The following ATG7 variants were observed in gnomAD, a reference collection of about 807,000 sequenced individuals.
ATG7 encodes autophagy related 7.
Under a neutral mutation model 82.4 loss-of-function variants are expected in ATG7, and 70 were observed. The ratio of observed to expected loss-of-function variants is 0.85; its 90% CI spans 0.70 to 1.04. The LOEUF is 1.04. Ranked by LOEUF, ATG7 falls within the 50% of genes least tolerant of loss-of-function variation. The pLI, the probability that ATG7 is intolerant of heterozygous loss-of-function variation, is 0.00. For missense variants in ATG7, 792 were observed against 864.3 expected, an observed-to-expected ratio of 0.92 and a Z score of 1.05; for synonymous variants, 287 against 313.0, an observed-to-expected ratio of 0.92 and a Z score of 0.88.
At chr3:11,573,288 AAAGAAAGAAAGAAAGAAAGG>A in the ATG7 span, among the ~76,000 whole-genome samples, 2 of 11,684 alleles carry the variant, frequency 1.7e-4, no homozygotes, top group African/African-American at 1.3e-3. Context: ...AGAAAGAAAG[AAAGAAAGAAAGAAAGAAAGG>A]AAGGAAGGAA....
chr3:11,389,218 G>GA (rs1430109372), intron 19 of ATG7, among the ~76,000 whole-genome samples: 1 of 110,266 alleles, frequency 9.1e-6, no homozygotes, highest in Non-Finnish European at 1.7e-5. Context: ...GGGGAACAGA[G>GA]AGAGACCCTG....
At chr3:11,319,611 A>G (rs1450683671) in intron 9 of ATG7, among the ~76,000 whole-genome samples, 3 of 152,184 alleles carry the variant, frequency 2.0e-5, no homozygotes, top group Admixed American at 2.0e-4. Flanking sequence ...CCCGGGCCAT[A>G]TTATCCAGCC....
At chr3:11,403,479 G>A (rs560277606) in intron 19 of ATG7, among the ~76,000 whole-genome samples, 1 of 152,228 alleles carries the variant, frequency 6.6e-6, no homozygotes, top group Admixed American at 6.5e-5. Context: ...GATTCCTTCT[G>A]TTTAGATAAT....
At chr3:11,486,548 A>G (rs9755534) in intron 20 of ATG7, among the ~76,000 whole-genome samples, 34,375 of 146,408 alleles carry the variant, frequency 0.23, 4,739 homozygotes, top group African/African-American at 0.33. Context: ...CTGCCTAATT[A>G]CCCTGGCCAG....
At chr3:11,558,583 G>C, downstream of ATG7, 1 of 1,603,738 alleles carries the variant, frequency 6.2e-7, no homozygotes, top group East Asian at 2.2e-5. Flanking sequence ...GGGAGTGACT[G>C]TGGCTGACCA....
intron 20 of ATG7, among the ~76,000 whole-genome samples, chr3:11,427,814 CAAAA>C (rs11288609): frequency 7.4e-6 from 1 of 135,222 alleles, no homozygotes; most frequent in African/African-American, 2.7e-5. Context: ...GACTCCGTCT[CAAAA>C]AAAAAAAAAA....
Position 11,426,925 on chromosome 3 carries a change from AG to A in ATG7, c.2079+1del. 2 of 1,592,990 alleles carry A rather than the reference AG, an allele frequency of 1.3e-6. No individual in the cohort carries two copies. Among genetic ancestry groups the A allele is most frequent in the Non-Finnish European group, 1.7e-6 (2 of 1,172,936 alleles). ...TLLHQETQAA[E>X]IWDMSDDETI The stretch of plus-strand genomic sequence containing the variant: ...CTGCATCAAGAAACCCAAGCTGCTG[AG>A]GTAAGAACAAAACAAGCTTTCTGTA... On this transcript the variant is annotated frameshift_variant and splice_region_variant, in exon 20 of 21. Coordinates refer to ENST00000693202, the MANE Select transcript of ATG7 (RefSeq NM_001349232.2). LOFTEE classifies it high-confidence loss of function.
At chr3:11,564,891 C>A in the ATG7 span, 1 of 1,607,928 alleles carries the variant, frequency 6.2e-7, no homozygotes, top group Non-Finnish European at 8.5e-7. Context: ...CTGCTCCAGG[C>A]CAAGGCTGGG....
intron 20 of ATG7, among the ~76,000 whole-genome samples, chr3:11,440,131 A>G (rs978600032): frequency 3.3e-5 from 5 of 152,064 alleles, no homozygotes; most frequent in South Asian, 2.1e-4. Context: ...CCTTACAACT[A>G]CTTCTCAGAT....
chr3:11,477,812 C>G (rs1270717595), intron 20 of ATG7, among the ~76,000 whole-genome samples: 1 of 152,192 alleles, frequency 6.6e-6, no homozygotes, highest in Non-Finnish European at 1.5e-5. Context: ...CTGTCCATGT[C>G]TCAGCTGAGC....
At chr3:11,345,973 G>A (rs1954479821) in intron 13 of ATG7, among the ~76,000 whole-genome samples, 1 of 152,144 alleles carries the variant, frequency 6.6e-6, no homozygotes, top group Admixed American at 6.5e-5. Context: ...TGTTTAATGT[G>A]TATTTTAACA....
intron 20 of ATG7, among the ~76,000 whole-genome samples, chr3:11,464,328 G>A (rs1417618125): frequency 6.6e-6 from 1 of 152,230 alleles, no homozygotes; most frequent in Non-Finnish European, 1.5e-5. Flanking sequence ...GCCATGACTT[G>A]CACTACTGCG....
intron 19 of ATG7, among the ~76,000 whole-genome samples, chr3:11,392,352 C>CT (rs2152874287): frequency 6.6e-6 from 1 of 152,074 alleles, no homozygotes; most frequent in African/African-American, 2.4e-5. Flanking sequence ...TTTGCATTTA[C>CT]TTGAAGTAGG....
chr3:11,471,362 C>G (rs563226664), intron 20 of ATG7, among the ~76,000 whole-genome samples: 107 of 152,150 alleles, frequency 7.0e-4, no homozygotes, highest in Non-Finnish European at 1.2e-3. Flanking sequence ...GGTTCTGCCC[C>G]ACACCTGTCA....
intron 20 of ATG7, among the ~76,000 whole-genome samples, chr3:11,515,566 G>A (rs1011911857): frequency 2.6e-5 from 4 of 152,076 alleles, no homozygotes; most frequent in Non-Finnish European, 5.9e-5. Flanking sequence ...GAACCACCCC[G>A]CCCAGCCTCA....
At chr3:11,535,739 T>TTC (rs1378477174) in intron 20 of ATG7, among the ~76,000 whole-genome samples, 1 of 152,154 alleles carries the variant, frequency 6.6e-6, no homozygotes, top group Non-Finnish European at 1.5e-5. Flanking sequence ...GAACCTTGTG[T>TTC]TCTCAGTCTT....
At chr3:11,308,418 A>C (rs1455098580) in intron 6 of ATG7, 1 of 152,600 alleles carries the variant, frequency 6.6e-6, no homozygotes, top group African/African-American at 2.4e-5. Context: ...TAAGACTTCA[A>C]GAAACCCCTA....
At chr3:11,505,286 C>T (rs1013086847) in intron 20 of ATG7, among the ~76,000 whole-genome samples, 12 of 152,200 alleles carry the variant, frequency 7.9e-5, no homozygotes, top group South Asian at 2.1e-4. Flanking sequence ...GGAGTGTTCG[C>T]GCAGGTAGAG....
chr3:11,314,493 G>T (rs1010061595), intron 8 of ATG7, among the ~76,000 whole-genome samples: 5 of 152,154 alleles, frequency 3.3e-5, no homozygotes, highest in Admixed American at 1.3e-4. Flanking sequence ...AAGGAAAAAG[G>T]ATTTTGGCTG....
Sources: allele counts gnomAD v4.1 joint callset (sites outside exome capture counted in the v4.1 genomes callset), GRCh38; gene constraint gnomAD v4.1.1; transcripts MANE v1.5; gene names NCBI Gene and HGNC (gene_info 2026-07-23, HGNC 2026-07-21).